Variants in SCG2 observed in about 807,000 individuals in gnomAD.
SCG2 encodes secretogranin-2.
SCG2 carries 23 observed loss-of-function variants against 49.5 expected under a neutral mutation model. The observed-to-expected ratio is 0.46, with a 90% CI of 0.33 to 0.66. The LOEUF is 0.66. SCG2 is among the 30% of genes least tolerant of loss of function. The pLI is 0.01. For synonymous variants in SCG2, 288 were observed against 260.4 expected (o/e 1.11, Z -1.02); for missense variants, 730 against 728.2 (o/e 1.00, Z -0.03).
intron 1 of SCG2, among the ~76,000 whole-genome samples, chr2:223,600,503 A>C (rs1005777171): frequency 6.6e-6 from 1 of 152,142 alleles, no homozygotes; most frequent in African/African-American, 2.4e-5. Context: ...AAACTATTTT[A>C]ATATTGGCTA....
At position 223,597,476 on chromosome 2, in the gene SCG2, C is replaced by T; in HGVS notation, c.1807G>A (p.Glu603Lys). 6.2e-7 allele frequency: 1 copy of T among 1,613,110 alleles called. No homozygotes were observed. The highest frequency in any genetic ancestry group is 2.2e-5 in the East Asian group (1 of 44,864). ...TTAGCAATATGCTCCCTTCCCTTTTCTGCCTTTTCTTGGTTGAGGTATTCC... is the reference window on the plus strand; with the variant it reads ...TTAGCAATATGCTCCCTTCCCTTTTTTGCCTTTTCTTGGTTGAGGTATTCC... ...VLEYLNQEKAEKGREHIAKRA... is the reference protein window; with the variant it reads ...VLEYLNQEKAKKGREHIAKRA... The change falls in exon 2 of 2, where the codon GAA becomes AAA. Residue 603 changes from glutamate (E) to lysine (K), a missense_variant. Glu to Lys is a moderately conservative substitution (Grantham distance 56, BLOSUM62 1). Transcript: ENST00000305409.
chr2:223,599,055 T>C lies in SCG2; in HGVS notation c.228A>G (p.Pro76=), dbSNP rs201723907. ...RQQAHKEESS[P]DYNPYQGVSV... The stretch of plus-strand genomic sequence containing the variant: ...AGACACCTTGGTAGGGATTATAATC[T>C]GGGCTGCTTTCTTCCTTATGAGCTT... The change falls in exon 2 of 2, where the codon CCA becomes CCG. Residue 76 remains proline, a synonymous_variant. Coordinates refer to ENST00000305409, the MANE Select transcript of SCG2 (RefSeq NM_003469.5). 1.2e-6 allele frequency: 2 copies of C among 1,614,108 alleles called. No homozygotes were observed. Among genetic ancestry groups the C allele is most frequent in the Non-Finnish European group, 1.7e-6 (2 of 1,180,046 alleles).
chr2:223,600,417 C>T (rs1235927803), intron 1 of SCG2, among the ~76,000 whole-genome samples: 1 of 152,058 alleles, frequency 6.6e-6, no homozygotes, highest in Non-Finnish European at 1.5e-5. Flanking sequence ...TCCTCCGATG[C>T]CTTAAAATCT....
intron 1 of SCG2, among the ~76,000 whole-genome samples, chr2:223,600,720 G>T (rs984457428): frequency 6.6e-6 from 1 of 151,992 alleles, no homozygotes; most frequent in Non-Finnish European, 1.5e-5. Context: ...GCTTAGTTAT[G>T]AAAACATTTT....
intron 1 of SCG2, among the ~76,000 whole-genome samples, chr2:223,599,666 T>G (rs1691360010): frequency 6.6e-6 from 1 of 152,230 alleles, no homozygotes; most frequent in African/African-American, 2.4e-5. Flanking sequence ...CAAGATGTTT[T>G]AATTATTTTA....
Position 223,597,701 on chromosome 2 carries a change from G to T in SCG2, c.1582C>A (p.Pro528Thr), listed in dbSNP as rs1187619909. The change falls in exon 2 of 2, where the codon CCT becomes ACT. Residue 528 changes from proline (P) to threonine (T), a missense_variant. Transcript: ENST00000305409. ...IINSNQVKRVPGQGSSEDDLQ... is the reference protein window; with the variant it reads ...IINSNQVKRVTGQGSSEDDLQ... ...TCATCTTCAGATGAGCCTTGACCAG[G>T]AACTCGCTTCACTTGGTTTGAATTA... 6.2e-7 allele frequency: 1 copy of T among 1,614,114 alleles called. No individual in the cohort carries two copies. Among genetic ancestry groups the T allele is most frequent in the East Asian group, 2.2e-5 (1 of 44,878 alleles).
rs1318167243 is a variant in SCG2 at position 223,597,041 on chromosome 2, T to C, written c.*388A>G. 6.3e-6 allele frequency: 1 copy of C among 157,770 alleles called. No homozygotes were observed. Among genetic ancestry groups the C allele is most frequent in the African/African-American group, 2.4e-5 (1 of 41,604 alleles). The allele number at this position is 157,770 out of a possible 1,614,324, so 9.8% of individuals were successfully genotyped here. A position where few individuals can be genotyped will look rare whatever the true frequency, so the allele number is the denominator to read the frequency against. ...ATAATGCTTTATTTTTTTGGTCCAG[T>C]ACTCCACAAAACACTACAGACAGTA... On this transcript the variant is annotated 3_prime_UTR_variant, in exon 2 of 2. Transcript: ENST00000305409.
intron 1 of SCG2, among the ~76,000 whole-genome samples, chr2:223,601,273 C>T (rs923179242): frequency 2.0e-5 from 3 of 152,152 alleles, no homozygotes; most frequent in Admixed American, 6.5e-5. Context: ...AACAGCTCTA[C>T]TATTCTATAT....
chr2:223,601,245 A>C (rs925694928), intron 1 of SCG2, among the ~76,000 whole-genome samples: 2 of 152,190 alleles, frequency 1.3e-5, no homozygotes, highest in South Asian at 2.1e-4. Context: ...CAGCTCTTTC[A>C]AGTAGTAAAG....
At position 223,597,524 on chromosome 2, in the gene SCG2, C is replaced by T; in HGVS notation, c.1759G>A (p.Glu587Lys). The change falls in exon 2 of 2, where the codon GAA becomes AAA. Residue 587 changes from glutamate to lysine, a missense_variant. By Grantham distance (56) the Glu-to-Lys change is moderately conservative. Transcript: ENST00000305409. Reference protein sequence around the residue: ...DDTPNRQYWDEDLLMKVLEYL... With the variant: ...DDTPNRQYWDKDLLMKVLEYL... ...TCCAGCACTTTCATTAACAGATCTT[C>T]ATCCCAGTACTGCCTATTTGGGGTA... The T allele has an allele frequency of 6.2e-7, 1 of 1,614,164 alleles. No individual in the cohort carries two copies. Among genetic ancestry groups the T allele is most frequent in the Non-Finnish European group, 8.5e-7 (1 of 1,180,028 alleles).
rs971598444 is a variant in SCG2 at position 223,597,011 on chromosome 2, T to C, written c.*418A>G. The stretch of plus-strand genomic sequence containing the variant: ...AAAAGGCCTTATAAATAAAACTATA[T>C]ATTTATAATGCTTTATTTTTTTGGT... On this transcript the variant is annotated 3_prime_UTR_variant, in exon 2 of 2. Coordinates refer to ENST00000305409, the MANE Select transcript of SCG2 (RefSeq NM_003469.5). The C allele has an allele frequency of 5.9e-5, 9 of 153,688 alleles. No homozygotes were observed. The highest frequency in any genetic ancestry group is 2.2e-4 in the African/African-American group (9 of 41,614). The allele number at this position is 153,688 out of a possible 1,614,324, so 9.5% of individuals were successfully genotyped here. A position where few individuals can be genotyped will look rare whatever the true frequency, so the allele number is the denominator to read the frequency against.
chr2:223,597,341 A>G lies in SCG2; in HGVS notation c.*88T>C. 1 of 1,461,834 alleles carries G rather than the reference A, an allele frequency of 6.8e-7. No individual in the cohort carries two copies. Among genetic ancestry groups the G allele is most frequent in the South Asian group, 1.4e-5 (1 of 71,998 alleles). The allele number at this position is 1,461,834 out of a possible 1,614,324, so 90.6% of individuals were successfully genotyped here. On this transcript the variant is annotated 3_prime_UTR_variant, in exon 2 of 2. Transcript: ENST00000305409. ...CATCATTTAAAGATATTACAGTGTT[A>G]ACAGGATAGAAGTCAACACACTGAA...
Position 223,598,722 on chromosome 2 carries a change from C to G in SCG2, c.561G>C (p.Glu187Asp). Reference sequence around the variant, plus strand: ...CAAGGCTTTGAGGAGTATATTGTTCCTCCACTATTTCATTTGTGCGTTTAA... The same window carrying G: ...CAAGGCTTTGAGGAGTATATTGTTCGTCCACTATTTCATTTGTGCGTTTAA... ...NPFKRTNEIV[E>D]EQYTPQSLAT... is the part of the protein sequence containing the mutation. Residue 187 changes from glutamate to aspartate, a missense_variant, in exon 2 of 2, where the codon GAG becomes GAC. Transcript: ENST00000305409. The G allele has an allele frequency of 1.9e-6, 3 of 1,613,792 alleles. No homozygotes were observed. The highest frequency in any genetic ancestry group is 2.5e-6 in the Non-Finnish European group (3 of 1,180,038).
At position 223,602,351 on chromosome 2, in the gene SCG2, C is replaced by A. The variant is rs1384029407; in HGVS notation, c.-81G>T. The A allele has an allele frequency of 6.6e-6, 1 of 152,120 alleles. No homozygotes were observed. Among genetic ancestry groups the A allele is most frequent in the African/African-American group, 2.4e-5 (1 of 41,434 alleles). 9.4% of individuals were successfully genotyped at this position (152,120 alleles called of 1,614,324 possible). A position where few individuals can be genotyped will look rare whatever the true frequency, so the allele number is the denominator to read the frequency against. Reference sequence around the variant, plus strand: ...CTCCCCGTTCTCCGGGCGAGCTTCTCGGGCCGTTTCAGCACACGGACAGCT... The same window carrying A: ...CTCCCCGTTCTCCGGGCGAGCTTCTAGGGCCGTTTCAGCACACGGACAGCT... On this transcript the variant is annotated 5_prime_UTR_variant, in exon 1 of 2. Coordinates refer to ENST00000305409, the MANE Select transcript of SCG2 (RefSeq NM_003469.5).
At position 223,597,068 on chromosome 2, in the gene SCG2, C is replaced by G. The variant is rs1319783807; in HGVS notation, c.*361G>C. ...CTCCACAAAACACTACAGACAGTAACAAAATAATTCAATAAATATTAAAAA... is the reference window on the plus strand; with the variant it reads ...CTCCACAAAACACTACAGACAGTAAGAAAATAATTCAATAAATATTAAAAA... On this transcript the variant is annotated 3_prime_UTR_variant, in exon 2 of 2. Transcript: ENST00000305409. 1 of 164,966 alleles carries G rather than the reference C, an allele frequency of 6.1e-6. No individual in the cohort carries two copies. The highest frequency in any genetic ancestry group is 1.8e-4 in the East Asian group (1 of 5,690). The allele number at this position is 164,966 out of a possible 1,614,324, so 10.2% of individuals were successfully genotyped here.
Position 223,598,781 on chromosome 2 carries a change from G to A in SCG2, c.502C>T (p.Pro168Ser), listed in dbSNP as rs1163321876. Residue 168 changes from proline (P) to serine (S), a missense_variant, in exon 2 of 2, where the codon CCT (proline) becomes TCT (serine). Transcript: ENST00000305409. The stretch of plus-strand genomic sequence containing the variant: ...TCCCTGGAATTCTCTTCATACATAG[G>A]AGGGAATTGCATGTGCTTAAGCTTT... ...ERKLKHMQFP[P>S]MYEENSRDNP... The A allele has an allele frequency of 1.2e-6, 2 of 1,614,002 alleles. No individual in the cohort carries two copies. The highest frequency in any genetic ancestry group is 1.1e-5 in the South Asian group (1 of 91,072).
chr2:223,597,930 C>T lies in SCG2; in HGVS notation c.1353G>A (p.Ser451=), dbSNP rs143843249. Residue 451 remains serine, a synonymous_variant, in exon 2 of 2, where the codon TCG becomes TCA. Coordinates refer to ENST00000305409, the MANE Select transcript of SCG2 (RefSeq NM_003469.5). ...GMESAANQKT[S]YFPNPYNQEK... is the part of the protein sequence containing the mutation. ...CCTGGTTATATGGATTGGGAAAATA[C>T]GACGTTTTCTGATTTGCTGCACTCT... The T allele has an allele frequency of 9.9e-5, 160 of 1,614,014 alleles. No individual in the cohort carries two copies. The African/African-American group carries it at 1.3e-3, about 13-fold the overall frequency.
In SCG2 at chr2:223,597,488, G is replaced by C. The variant is rs1691313785; in HGVS notation, c.1795C>G (p.Gln599Glu). 5.6e-6 allele frequency: 9 copies of C among 1,613,750 alleles called. No homozygotes were observed. Among genetic ancestry groups the C allele is most frequent in the Non-Finnish European group, 7.6e-6 (9 of 1,179,880 alleles). Residue 599 changes from glutamine to glutamate, a missense_variant, in exon 2 of 2, where the codon CAA becomes GAA. Coordinates refer to ENST00000305409, the MANE Select transcript of SCG2 (RefSeq NM_003469.5). ...TCCCTTCCCTTTTCTGCCTTTTCTT[G>C]GTTGAGGTATTCCAGCACTTTCATT... ...LLMKVLEYLNQEKAEKGREHI... is the reference protein window; with the variant it reads ...LLMKVLEYLNEEKAEKGREHI...
chr2:223,602,080 C>G (rs1691399458), intron 1 of SCG2: 1 of 152,034 alleles, frequency 6.6e-6, no homozygotes, highest in African/African-American at 2.4e-5. Flanking sequence ...AGTAAATATC[C>G]AACATCAAGT....
Sources: gnomAD v4.1 joint callset for allele counts (sites outside exome capture counted in the v4.1 genomes callset) on GRCh38, gnomAD v4.1.1 for gene constraint, MANE v1.5 for transcripts, NCBI Gene and HGNC (gene_info 2026-07-23, HGNC 2026-07-21) for gene names.